Variants in THSD7B observed in about 807,000 individuals in gnomAD.
THSD7B encodes thrombospondin type-1 domain-containing protein 7B.
A neutral mutation model predicts 213.6 loss-of-function variants in THSD7B; 138 were observed. The observed-to-expected ratio is 0.65, with a 90% CI of 0.56 to 0.74. The LOEUF is 0.74. THSD7B is among the 30% of genes least tolerant of loss of function. The probability of loss-of-function intolerance (pLI) is 0.00; values close to 1 mark genes in which losing one functional copy is unlikely to be tolerated. For missense variants in THSD7B, 1,931 were observed against 1,991.5 expected, an observed-to-expected ratio of 0.97 and a Z score of 0.58; for synonymous variants, 742 against 687.0, an observed-to-expected ratio of 1.08 and a Z score of -1.25.
At chr2:137,490,959 A>G (rs1328935875) in intron 15 of THSD7B, among the ~76,000 whole-genome samples, 1 of 152,228 alleles carries the variant, frequency 6.6e-6, no homozygotes, top group Non-Finnish European at 1.5e-5. Context: ...CTTCGTTTAC[A>G]TTTGTGTGTT....
intron 12 of THSD7B, among the ~76,000 whole-genome samples, chr2:137,307,912 A>T (rs1683795584): frequency 6.6e-6 from 1 of 151,992 alleles, no homozygotes; most frequent in South Asian, 2.1e-4. Context: ...AAGGAGTCTT[A>T]TAGGTTCCTC....
chr2:137,078,954 G>A (rs1687687830), intron 3 of THSD7B, among the ~76,000 whole-genome samples: 1 of 152,102 alleles, frequency 6.6e-6, no homozygotes, highest in South Asian at 2.1e-4. Flanking sequence ...TGCATTGTAA[G>A]TAGAGTGTTG....
intron 12 of THSD7B, among the ~76,000 whole-genome samples, chr2:137,322,237 A>C: frequency 6.6e-6 from 1 of 152,190 alleles, no homozygotes; most frequent in East Asian, 1.9e-4. Context: ...CAAAGTTGCA[A>C]ATCATGGGAC....
intron 12 of THSD7B, among the ~76,000 whole-genome samples, chr2:137,313,078 C>T (rs1390089326): frequency 6.6e-6 from 1 of 151,352 alleles, no homozygotes; most frequent in African/African-American, 2.4e-5. Context: ...CTTTCTGTCT[C>T]ATTGATCTGT....
chr2:137,500,775 C>T (rs567126486), intron 15 of THSD7B, among the ~76,000 whole-genome samples: 3 of 152,192 alleles, frequency 2.0e-5, no homozygotes, highest in South Asian at 4.1e-4. Flanking sequence ...TAAAACATGT[C>T]GGGGGCATTT....
chr2:136,897,679 C>G (rs966755055), intron 2 of THSD7B, among the ~76,000 whole-genome samples: 2 of 152,218 alleles, frequency 1.3e-5, no homozygotes, highest in Admixed American at 1.3e-4. Flanking sequence ...TGGCTATGTC[C>G]TGCTGATTGG....
chr2:137,380,077 G>A (rs1272820704), intron 12 of THSD7B, among the ~76,000 whole-genome samples: 2 of 152,132 alleles, frequency 1.3e-5, no homozygotes, highest in African/African-American at 2.4e-5. Flanking sequence ...CATTGCTTCT[G>A]GTAGACAGTT....
At chr2:137,120,978 AC>A (rs1688536078) in intron 5 of THSD7B, among the ~76,000 whole-genome samples, 1 of 152,222 alleles carries the variant, frequency 6.6e-6, no homozygotes, top group South Asian at 2.1e-4. Context: ...GAGTTAAGGA[AC>A]AAAAGAAACA....
intron 15 of THSD7B, among the ~76,000 whole-genome samples, chr2:137,508,168 A>G (rs1024434875): frequency 1.3e-5 from 2 of 152,166 alleles, no homozygotes; most frequent in Admixed American, 6.5e-5. Context: ...TTTAGATTTC[A>G]GTTTTCTGAG....
At chr2:136,959,741 C>T (rs1046551919) in intron 2 of THSD7B, among the ~76,000 whole-genome samples, 1 of 152,176 alleles carries the variant, frequency 6.6e-6, no homozygotes, top group Non-Finnish European at 1.5e-5. Context: ...CACTACTTAT[C>T]TCCATAAATT....
intron 2 of THSD7B, among the ~76,000 whole-genome samples, chr2:136,915,872 A>T (rs929995480): frequency 1.3e-5 from 2 of 152,230 alleles, no homozygotes; most frequent in Non-Finnish European, 2.9e-5. Flanking sequence ...TATCTTCTCA[A>T]CCTGACAGTA....
intron 17 of THSD7B, among the ~76,000 whole-genome samples, chr2:137,585,988 T>A (rs923046469): frequency 3.9e-5 from 6 of 152,056 alleles, no homozygotes; most frequent in African/African-American, 1.5e-4. Flanking sequence ...TTTGTAGGTC[T>A]CTAAGGACTT....
At chr2:136,873,507 G>A (rs909142988) in intron 1 of THSD7B, among the ~76,000 whole-genome samples, 3 of 151,990 alleles carry the variant, frequency 2.0e-5, no homozygotes, top group African/African-American at 7.3e-5. Flanking sequence ...TTTTTCCTTC[G>A]CAGGGTCAGT....
intron 2 of THSD7B, among the ~76,000 whole-genome samples, chr2:136,990,209 T>C (rs1446298285): frequency 6.8e-6 from 1 of 147,276 alleles, no homozygotes; most frequent in African/African-American, 2.4e-5. Context: ...CTTAGAACTC[T>C]CATTGATTGC....
At chr2:136,796,107 A>AT (rs913761965) in intron 1 of THSD7B, among the ~76,000 whole-genome samples, 71 of 145,062 alleles carry the variant, frequency 4.9e-4, no homozygotes, top group Admixed American at 1.5e-3. Flanking sequence ...CTGCTTTTTG[A>AT]TTTTTTTTTT....
chr2:137,520,616 G>C (rs1314174060), intron 15 of THSD7B, among the ~76,000 whole-genome samples: 1 of 152,202 alleles, frequency 6.6e-6, no homozygotes, highest in Non-Finnish European at 1.5e-5. Flanking sequence ...GGTAGACACT[G>C]CTACAGTAGG....
intron 2 of THSD7B, among the ~76,000 whole-genome samples, chr2:137,014,678 C>T (rs572667108): frequency 4.6e-5 from 7 of 152,310 alleles, no homozygotes; most frequent in South Asian, 2.1e-4. Flanking sequence ...TTTATGGCCA[C>T]GGCAACCAGC....
chr2:136,845,725 C>T (rs1175260724), intron 1 of THSD7B, among the ~76,000 whole-genome samples: 2 of 152,008 alleles, frequency 1.3e-5, no homozygotes, highest in Non-Finnish European at 2.9e-5. Context: ...AGAGGAGTGG[C>T]GGTAGTATAC....
intron 6 of THSD7B, among the ~76,000 whole-genome samples, chr2:137,167,926 A>C (rs187007764): frequency 7.4e-4 from 113 of 152,308 alleles, no homozygotes; most frequent in Non-Finnish European, 1.1e-3. Flanking sequence ...GCCGACTTTA[A>C]TCTTTTCTTG....
Sources: gnomAD v4.1 joint callset for allele counts (sites outside exome capture counted in the v4.1 genomes callset) on GRCh38, gnomAD v4.1.1 for gene constraint, MANE v1.5 for transcripts, NCBI Gene and HGNC (gene_info 2026-07-23, HGNC 2026-07-21) for gene names.